The following NLRX1 variants were observed in gnomAD, a reference collection of about 807,000 sequenced individuals.
NLRX1 encodes NOD-like receptor X1.
In NLRX1, 67 loss-of-function variants were observed where a neutral mutation model predicts 74.2. The observed-to-expected ratio is 0.90, with a 90% CI of 0.74 to 1.11. The LOEUF (loss-of-function observed/expected upper bound fraction) is 1.11. Among genes scored for constraint, NLRX1 ranks in the 50% least tolerant of loss-of-function variants. The pLI, the probability that NLRX1 is intolerant of heterozygous loss-of-function variation, is 0.00. For missense variants in NLRX1, 1,191 were observed against 1,305.4 expected (o/e 0.91, Z 1.35); for synonymous variants, 506 against 559.1 (o/e 0.91, Z 1.34).
intron 1 of NLRX1, among the ~76,000 whole-genome samples, 176 bp downstream of exon 1, chr11:119,169,478 C>T (rs1400021403): frequency 6.6e-6 from 1 of 152,222 alleles, no homozygotes; most frequent in African/African-American, 2.4e-5. Flanking sequence ...CCTTCCGCAG[C>T]CCCTGGGACG....
In NLRX1 at chr11:119,174,851, C is replaced by G. The variant is rs774223177; in HGVS notation, c.1248C>G (p.Pro416=). 1 of 1,614,112 alleles carries G rather than the reference C, an allele frequency of 6.2e-7. No individual in the cohort carries two copies. Residue 416 remains proline, a synonymous_variant, in exon 6 of 10, where the codon CCC becomes CCG. Transcript: ENST00000409109. The part of the protein sequence containing the change: ...FSGETLDSTD[P]SNLSLMAYAA... ...GGGAAACCCTGGACAGCACTGACCC[C>G]TCCAATTTGTCCCTGATGGCCTATG...
At position 119,183,718 on chromosome 11, in the gene NLRX1, C is replaced by G; in HGVS notation, c.*279C>G. 1 of 771,918 alleles carries G rather than the reference C, an allele frequency of 1.3e-6. No homozygotes were observed. The highest frequency in any genetic ancestry group is 2.4e-6 in the Non-Finnish European group (1 of 416,510). 47.8% of individuals were successfully genotyped at this position (771,918 alleles called of 1,614,324 possible). On this transcript the variant is annotated 3_prime_UTR_variant, in exon 10 of 10. Transcript: ENST00000409109. This position sits in a 1 kb window ranked among gnomAD's most constrained non-coding sequence, Gnocchi z 5.7. ...ACCAAAGCATGTGGCATTTGGATGG[C>G]CAGAGTGCCCTGAAGCACCACTACC...
chr11:119,174,554 G>A lies in NLRX1; in HGVS notation c.951G>A (p.Leu317=), dbSNP rs780849613. 5.0e-6 allele frequency: 8 copies of A among 1,614,188 alleles called. No homozygotes were observed. Among genetic ancestry groups the A allele is most frequent in the Non-Finnish European group, 6.8e-6 (8 of 1,180,044 alleles). The change falls in exon 6 of 10, where the codon CTG becomes CTA. Residue 317 remains leucine (L), a synonymous_variant. Coordinates refer to ENST00000409109, the MANE Select transcript of NLRX1 (RefSeq NM_001282144.2). ...GEICGFSDTN[L]QKLYFQLRLN... is the part of the protein sequence containing the mutation. ...TCTGCGGTTTCTCTGATACCAACCT[G>A]CAGAAGCTCTACTTCCAGCTCCGCC...
At chr11:119,175,683 C>T (rs1319426080) in intron 6 of NLRX1, among the ~76,000 whole-genome samples, 2 of 152,290 alleles carry the variant, frequency 1.3e-5, no homozygotes, top group Admixed American at 1.3e-4. Context: ...AGAGTGATGA[C>T]TCATCCTAAC....
At position 119,182,317 on chromosome 11, in the gene NLRX1, C is replaced by T. The variant is rs1261803553; in HGVS notation, c.2578C>T (p.Arg860Trp). 8.1e-6 allele frequency: 13 copies of T among 1,612,892 alleles called. No homozygotes were observed. The highest frequency in any genetic ancestry group is 2.2e-5 in the East Asian group (1 of 44,888). Residue 860 changes from arginine (R) to tryptophan (W), a missense_variant, in exon 9 of 10, where the codon CGG (arginine) becomes TGG (tryptophan). Arg to Trp is a moderately radical substitution (Grantham distance 101). Transcript: ENST00000409109. The stretch of plus-strand genomic sequence containing the variant: ...GGCCCTGGCCCTGGCCAGAGCTGCC[C>T]GGGAGCACCCTTCCCTGGAACTGCT... ...TAALALARAA[R>W]EHPSLELLHL...
chr11:119,181,297 A>G (rs1055902695), intron 8 of NLRX1, 40 bp downstream of exon 8: 2 of 1,505,594 alleles, frequency 1.3e-6, no homozygotes, highest in East Asian at 2.3e-5. Flanking sequence ...TGGCCAGCTA[A>G]GGTCAAGGGT....
rs750403560 is a variant in NLRX1 at position 119,173,773 on chromosome 11, T to A, written c.524T>A (p.Leu175Gln). ...ACAGTGGGCACAGGCAAGAGCACGCTGGTGCGCAAGATGGTTCTGGACTGG... is the reference window on the plus strand; with the variant it reads ...ACAGTGGGCACAGGCAAGAGCACGCAGGTGCGCAAGATGGTTCTGGACTGG... ...YGTVGTGKST[L>Q]VRKMVLDWCY... The change falls in exon 5 of 10, where the codon CTG becomes CAG. Residue 175 changes from leucine (L) to glutamine (Q), a missense_variant. Physicochemically the swap from Leu to Gln is moderately radical, Grantham distance 113. Transcript: ENST00000409109. The surrounding 1 kb of genome is among the most constrained non-coding windows in gnomAD (Gnocchi z 4.0). 1 of 1,613,686 alleles carries A rather than the reference T, an allele frequency of 6.2e-7. No homozygotes were observed. The highest frequency in any genetic ancestry group is 8.5e-7 in the Non-Finnish European group (1 of 1,180,026).
At chr11:119,180,431 G>A (rs900670791) in intron 7 of NLRX1, 143 bp downstream of exon 7, 1 of 697,900 alleles carries the variant, frequency 1.4e-6, no homozygotes, top group Non-Finnish European at 2.3e-6. Flanking sequence ...GGGGCCGGGA[G>A]CAGTGGCTCA....
At position 119,183,047 on chromosome 11, in the gene NLRX1, C is replaced by A; in HGVS notation, c.2607-71C>A. The A allele has an allele frequency of 7.2e-7, 1 of 1,390,444 alleles. No individual in the cohort carries two copies. The highest frequency in any genetic ancestry group is 1.4e-5 in the South Asian group (1 of 73,794). The allele number at this position is 1,390,444 out of a possible 1,614,324, so 86.1% of individuals were successfully genotyped here. On this transcript the variant is annotated intron_variant, in intron 9 of 9. Coordinates refer to ENST00000409109, the MANE Select transcript of NLRX1 (RefSeq NM_001282144.2). The surrounding 1 kb of genome is among the most constrained non-coding windows in gnomAD (Gnocchi z 5.7). The stretch of plus-strand genomic sequence containing the variant: ...ATGAGTTGTGAGGCCCCCTGACTTT[C>A]CATCCATCTACCCTCGGGCCCTCCT...
Position 119,173,738 on chromosome 11 carries a change from G to A in NLRX1, c.489G>A (p.Val163=). Residue 163 remains valine (V), a synonymous_variant, in exon 5 of 10, where the codon GTG becomes GTA. Coordinates refer to ENST00000409109, the MANE Select transcript of NLRX1 (RefSeq NM_001282144.2). The surrounding 1 kb of genome is among the most constrained non-coding windows in gnomAD (Gnocchi z 4.0). ...GTGGGCGCCGGGTGCAGACAGTGGT[G>A]CTGTATGGGACAGTGGGCACAGGCA... The part of the protein sequence containing the change: ...DACGRRVQTV[V]LYGTVGTGKS... The A allele has an allele frequency of 6.2e-7, 1 of 1,613,892 alleles. No homozygotes were observed.
rs756636291 is a variant in NLRX1 at position 119,180,065 on chromosome 11, C to T, written c.2044C>T (p.His682Tyr). ...PSELLDHLFFHYEFQNQRFSA... is the reference protein window; with the variant it reads ...PSELLDHLFFYYEFQNQRFSA... ...AGAGCTCCTTGACCACCTCTTCTTC[C>T]ACTATGAGTTCCAGAACCAGCGCTT... Residue 682 changes from histidine (H) to tyrosine (Y), a missense_variant, in exon 7 of 10, where the codon CAC (histidine) becomes TAC (tyrosine). Coordinates refer to ENST00000409109, the MANE Select transcript of NLRX1 (RefSeq NM_001282144.2). The T allele has an allele frequency of 5.0e-6, 8 of 1,613,694 alleles. No individual in the cohort carries two copies. The South Asian group carries it at 8.8e-5, about 18-fold the overall frequency.
chr11:119,168,541 G>A (rs1386552475), upstream of NLRX1: 3 of 152,204 alleles, frequency 2.0e-5, no homozygotes, highest in Admixed American at 2.0e-4. Context: ...ACTCAGGCCC[G>A]GGATGTTGTT....
chr11:119,181,970 T>C, intron 8 of NLRX1, 124 bp from the exon 9 acceptor site: 1 of 1,200,126 alleles, frequency 8.3e-7, no homozygotes, highest in South Asian at 1.4e-5. Context: ...TGCAGGGCCC[T>C]CTTTGGCCCA....
At chr11:119,171,240 C>A in intron 1 of NLRX1, 116 bp from the exon 2 acceptor site, 1 of 625,258 alleles carries the variant, frequency 1.6e-6, no homozygotes, top group Non-Finnish European at 2.6e-6. Flanking sequence ...GCAGGGCCAA[C>A]ATTTGAGGAA....
Position 119,174,713 on chromosome 11 carries a change from G to A in NLRX1, c.1110G>A (p.Leu370=), listed in dbSNP as rs368444456. The A allele has an allele frequency of 9.9e-6, 16 of 1,613,814 alleles. No individual in the cohort carries two copies. The highest frequency in any genetic ancestry group is 1.4e-5 in the Non-Finnish European group (16 of 1,180,054). The change falls in exon 6 of 10, where the codon CTG becomes CTA. Residue 370 remains leucine (L), a synonymous_variant. Transcript: ENST00000409109. ...ACCAGATAGCCGCTGCCTGCTTCCT[G>A]CCGTCCTATTGCTGGCTCGTTTGTG... ...GHHQIAAACF[L]PSYCWLVCAT...
chr11:119,171,536 C>T (rs1383775082), intron 2 of NLRX1, 63 bp downstream of exon 2: 11 of 1,209,350 alleles, frequency 9.1e-6, no homozygotes, highest in African/African-American at 7.5e-5. Flanking sequence ...CCACATGATG[C>T]CTCCAAGACA....
In NLRX1 at chr11:119,182,146, C is replaced by T; in HGVS notation, c.2407C>T (p.Leu803=). The T allele has an allele frequency of 4.3e-6, 7 of 1,614,174 alleles. No homozygotes were observed. The highest frequency in any genetic ancestry group is 5.9e-6 in the Non-Finnish European group (7 of 1,180,032). ...AAGVAVLMEG[L]AGNTSVTHLS... ...AGGTGTTGCCGTGCTAATGGAGGGG[C>T]TGGCAGGAAACACCTCAGTGACGCA... Residue 803 remains leucine, a synonymous_variant, in exon 9 of 10, where the codon CTG becomes TTG. Coordinates refer to ENST00000409109, the MANE Select transcript of NLRX1 (RefSeq NM_001282144.2).
chr11:119,182,676 C>T (rs1400359652), intron 9 of NLRX1, among the ~76,000 whole-genome samples: 1 of 152,126 alleles, frequency 6.6e-6, no homozygotes, highest in East Asian at 1.9e-4. Context: ...CACCTGAGGT[C>T]AGGAGTTCAA....
chr11:119,183,732 A>C lies in NLRX1; in HGVS notation c.*293A>C. 1.3e-6 allele frequency: 1 copy of C among 776,430 alleles called. No homozygotes were observed. Among genetic ancestry groups the C allele is most frequent in the Non-Finnish European group, 2.4e-6 (1 of 417,506 alleles). 48.1% of individuals were successfully genotyped at this position (776,430 alleles called of 1,614,324 possible). A position where few individuals can be genotyped will look rare whatever the true frequency, so the allele number is the denominator to read the frequency against. On this transcript the variant is annotated 3_prime_UTR_variant, in exon 10 of 10. Coordinates refer to ENST00000409109, the MANE Select transcript of NLRX1 (RefSeq NM_001282144.2). This position sits in a 1 kb window ranked among gnomAD's most constrained non-coding sequence, Gnocchi z 5.7. Reference sequence around the variant, plus strand: ...CATTTGGATGGCCAGAGTGCCCTGAAGCACCACTACCAACCTTGCCTCCCC... The same window carrying C: ...CATTTGGATGGCCAGAGTGCCCTGACGCACCACTACCAACCTTGCCTCCCC...
Sources: gnomAD v4.1 joint callset for allele counts (sites outside exome capture counted in the v4.1 genomes callset) on GRCh38, gnomAD v4.1.1 for gene constraint, Gnocchi (gnomAD v3.1) non-coding constraint, MANE v1.5 for transcripts, NCBI Gene and HGNC (gene_info 2026-07-23, HGNC 2026-07-21) for gene names.